The following MAGI2 variants were observed in gnomAD, a reference collection of about 807,000 sequenced individuals.
MAGI2 encodes membrane associated guanylate kinase, WW and PDZ domain containing 2.
MAGI2 carries 35 observed loss-of-function variants against 133.3 expected under a neutral mutation model. That is an observed-to-expected ratio of 0.26 (90% CI 0.20 to 0.35). The LOEUF (loss-of-function observed/expected upper bound fraction) is 0.35, where lower values mean the gene tolerates loss of function less well. Among genes scored for constraint, MAGI2 ranks in the 10% least tolerant of loss-of-function variants. The pLI is 1.00. For synonymous variants in MAGI2, 729 were observed against 710.6 expected, an observed-to-expected ratio of 1.03 and a Z score of -0.41; for missense variants, 1,636 against 1,863.4, an observed-to-expected ratio of 0.88 and a Z score of 2.25.
chr7:78,367,620 C>T (rs1414649395), intron 7 of MAGI2, among the ~76,000 whole-genome samples: 1 of 152,098 alleles, frequency 6.6e-6, no homozygotes, highest in East Asian at 1.9e-4. Context: ...AACATATGGA[C>T]TAAGGAGTGG....
intron 1 of MAGI2, among the ~76,000 whole-genome samples, chr7:79,144,428 C>G (rs111855541): frequency 0.021 from 3,151 of 152,206 alleles, 106 homozygotes; most frequent in African/African-American, 0.072. Context: ...AGCACCTCCC[C>G]CTTCTGTCTT....
intron 4 of MAGI2, among the ~76,000 whole-genome samples, chr7:78,510,079 A>G (rs192307745): frequency 1.9e-4 from 29 of 152,272 alleles, no homozygotes; most frequent in Admixed American, 7.2e-4. Flanking sequence ...AAGCTGAGAG[A>G]AAAAAAGGAT....
Position 78,814,086 on chromosome 7 carries a change from TAA to T in MAGI2, c.419-186849_419-186848del, listed in dbSNP as rs962037468. 8.5e-5 allele frequency among the ~76,000 whole-genome samples: 13 copies of T among 152,152 alleles called. No homozygotes were observed. In the South Asian group the frequency reaches 1.9e-3, roughly 22 times the overall value. Reference sequence around the variant, plus strand: ...GATGTTATTGTCTTTATAAAAATATTAAGAGAGAGATATATAAAAATCAATAA... The same window carrying T: ...GATGTTATTGTCTTTATAAAAATATTGAGAGAGATATATAAAAATCAATAA... On this transcript the variant is annotated intron_variant, in intron 2 of 21. Coordinates refer to ENST00000354212, the MANE Select transcript of MAGI2 (RefSeq NM_012301.4).
intron 1 of MAGI2, among the ~76,000 whole-genome samples, chr7:79,261,630 T>C (rs138657978): frequency 1.3e-5 from 2 of 152,298 alleles, no homozygotes; most frequent in East Asian, 3.9e-4. Context: ...TACATTCATA[T>C]TCCTCTATTC....
intron 3 of MAGI2, chr7:78,617,127 C>T (rs1807189029): frequency 6.6e-6 from 1 of 151,906 alleles, no homozygotes; most frequent in East Asian, 1.9e-4. Flanking sequence ...GGATGAATAT[C>T]ATAAAGTGAC....
chr7:78,594,751 C>T (rs543564980), intron 3 of MAGI2, among the ~76,000 whole-genome samples: 15 of 152,178 alleles, frequency 9.9e-5, no homozygotes, highest in Admixed American at 7.2e-4. Flanking sequence ...CCACTACGTC[C>T]GGCCAGCAAA....
At chr7:79,161,333 C>A (rs1439532374) in intron 1 of MAGI2, among the ~76,000 whole-genome samples, 1 of 152,000 alleles carries the variant, frequency 6.6e-6, no homozygotes, top group Non-Finnish European at 1.5e-5. Flanking sequence ...CTAGTCGGGA[C>A]AAATCCTCCA....
At chr7:79,105,857 T>G (rs1326502579) in intron 1 of MAGI2, among the ~76,000 whole-genome samples, 1 of 152,080 alleles carries the variant, frequency 6.6e-6, no homozygotes, top group Non-Finnish European at 1.5e-5. Context: ...CATTAAAAAC[T>G]TGCATTAAGC....
At chr7:78,545,566 G>A (rs950604547) in intron 3 of MAGI2, among the ~76,000 whole-genome samples, 2 of 152,138 alleles carry the variant, frequency 1.3e-5, no homozygotes, top group African/African-American at 2.4e-5. Context: ...GTTTACCTGA[G>A]AGACCTGAAG....
At chr7:78,341,951 T>G (rs1488464423) in intron 9 of MAGI2, among the ~76,000 whole-genome samples, 1 of 152,064 alleles carries the variant, frequency 6.6e-6, no homozygotes, top group African/African-American at 2.4e-5. Flanking sequence ...AAAGCCCAAA[T>G]TGACAAATGG....
At chr7:78,773,244 T>C (rs1292586568) in intron 2 of MAGI2, among the ~76,000 whole-genome samples, 1 of 152,106 alleles carries the variant, frequency 6.6e-6, no homozygotes, top group African/African-American at 2.4e-5. Flanking sequence ...ACATGGAATA[T>C]GGACTGCATG....
At chr7:79,383,718 A>C (rs1421241140) in intron 1 of MAGI2, among the ~76,000 whole-genome samples, 1 of 151,590 alleles carries the variant, frequency 6.6e-6, no homozygotes, top group East Asian at 1.9e-4. Context: ...GTTAATAGTA[A>C]AATTCAACAT....
chr7:78,571,487 T>A (rs979066331), intron 3 of MAGI2, among the ~76,000 whole-genome samples: 6 of 152,198 alleles, frequency 3.9e-5, no homozygotes, highest in Middle Eastern at 3.2e-3. Context: ...ACCATTTCAA[T>A]GGGTTGTAGG....
intron 3 of MAGI2, among the ~76,000 whole-genome samples, chr7:78,564,395 T>A (rs1248513566): frequency 1.3e-5 from 2 of 152,258 alleles, no homozygotes; most frequent in Non-Finnish European, 2.9e-5. Context: ...TAAATACTTG[T>A]ACATTTTTGT....
At chr7:79,208,919 G>C (rs982044075) in intron 1 of MAGI2, among the ~76,000 whole-genome samples, 10 of 152,036 alleles carry the variant, frequency 6.6e-5, no homozygotes, top group Non-Finnish European at 1.3e-4. Flanking sequence ...GATTAACCAG[G>C]ATAGAAAGAC....
intron 2 of MAGI2, among the ~76,000 whole-genome samples, chr7:78,837,209 G>A (rs1017170749): frequency 6.6e-6 from 1 of 152,048 alleles, no homozygotes; most frequent in African/African-American, 2.4e-5. Flanking sequence ...CCGCCCAAGT[G>A]CCAATGAAAC....
chr7:78,206,442 C>A (rs13241065), intron 10 of MAGI2, among the ~76,000 whole-genome samples: 23,989 of 151,908 alleles, frequency 0.16, 2,055 homozygotes, highest in Middle Eastern at 0.2. Flanking sequence ...CAGGTGTGTG[C>A]CACCATGCCC....
intron 1 of MAGI2, among the ~76,000 whole-genome samples, chr7:79,239,027 A>G (rs952244648): frequency 1.3e-4 from 20 of 152,190 alleles, no homozygotes; most frequent in African/African-American, 4.6e-4. Context: ...AGTAACATTC[A>G]TTAGGAAATA....
chr7:78,224,537 G>A (rs1789161714), intron 10 of MAGI2, among the ~76,000 whole-genome samples: 1 of 152,166 alleles, frequency 6.6e-6, no homozygotes, highest in Non-Finnish European at 1.5e-5. Flanking sequence ...ATGGTGGCGT[G>A]TGCCTGTGGT....
Sources: allele counts gnomAD v4.1 joint callset (sites outside exome capture counted in the v4.1 genomes callset), GRCh38; gene constraint gnomAD v4.1.1; transcripts MANE v1.5; gene names NCBI Gene and HGNC (gene_info 2026-07-23, HGNC 2026-07-21).